DPP10: variants seen among roughly 807,000 people sequenced by gnomAD.
DPP10 encodes the protein inactive dipeptidyl peptidase 10.
In DPP10, 33 loss-of-function variants were observed where a neutral mutation model predicts 120.9. That is an observed-to-expected ratio of 0.27 (90% CI 0.21 to 0.37). The LOEUF (loss-of-function observed/expected upper bound fraction) is 0.37, where lower values mean the gene tolerates loss of function less well. Among genes scored for constraint, DPP10 ranks in the 10% least tolerant of loss-of-function variants. The probability of loss-of-function intolerance (pLI) is 1.00; values close to 1 mark genes in which losing one functional copy is unlikely to be tolerated. For missense variants in DPP10, 816 were observed against 942.8 expected (o/e 0.87, Z 1.76); for synonymous variants, 337 against 326.1 (o/e 1.03, Z -0.36).
At chr2:114,770,322 A>G (rs535367183) in intron 1 of DPP10, among the ~76,000 whole-genome samples, 197 of 152,262 alleles carry the variant, frequency 1.3e-3, no homozygotes, top group African/African-American at 4.5e-3. Context: ...GATTTATATG[A>G]TTGAAGAGAA....
chr2:114,832,461 A>G (rs1361411860), intron 1 of DPP10, among the ~76,000 whole-genome samples: 1 of 152,130 alleles, frequency 6.6e-6, no homozygotes, highest in East Asian at 1.9e-4. Flanking sequence ...CTTGAATCCA[A>G]GAGTTCGAGG....
chr2:115,285,967 C>T (rs1347227639), intron 1 of DPP10, among the ~76,000 whole-genome samples: 1 of 151,970 alleles, frequency 6.6e-6, no homozygotes, highest in African/African-American at 2.4e-5. Context: ...TTTATGCATG[C>T]TGTAGTTAGG....
chr2:114,542,048 CCTTTTTTT>C (rs1049124338), intron 1 of DPP10, among the ~76,000 whole-genome samples: 1 of 122,202 alleles, frequency 8.2e-6, no homozygotes, highest in Admixed American at 8.8e-5. Flanking sequence ...TTCTTTCTTT[CCTTTTTTT>C]TTTTTTTTTG....
chr2:115,648,678 T>C (rs923993231), intron 5 of DPP10, among the ~76,000 whole-genome samples: 4 of 151,546 alleles, frequency 2.6e-5, no homozygotes, highest in Non-Finnish European at 4.4e-5. Flanking sequence ...TTAATAAAAC[T>C]TAGCCTAGGG....
At chr2:114,914,395 C>A (rs140443493) in intron 1 of DPP10, among the ~76,000 whole-genome samples, 2 of 152,102 alleles carry the variant, frequency 1.3e-5, no homozygotes, top group African/African-American at 4.8e-5. Flanking sequence ...AAGAGTAATG[C>A]CTATATTCAG....
chr2:115,811,286 C>T (rs12478640), intron 19 of DPP10, among the ~76,000 whole-genome samples: 13,199 of 152,146 alleles, frequency 0.087, 626 homozygotes, highest in South Asian at 0.14. Flanking sequence ...GATACCACTT[C>T]GTGATCTAAC....
At chr2:115,173,091 T>G (rs1280778420) in intron 1 of DPP10, among the ~76,000 whole-genome samples, 1 of 151,960 alleles carries the variant, frequency 6.6e-6, no homozygotes, top group Non-Finnish European at 1.5e-5. Flanking sequence ...TCTGAATTTG[T>G]TTTTTTTCCC....
intron 1 of DPP10, among the ~76,000 whole-genome samples, chr2:114,640,006 C>T (rs1695592765): frequency 6.6e-6 from 1 of 151,686 alleles, no homozygotes; most frequent in Admixed American, 6.6e-5. Flanking sequence ...ATGGTAGAAA[C>T]AAGACTAAAT....
At chr2:115,190,758 C>A (rs2054821886) in intron 1 of DPP10, among the ~76,000 whole-genome samples, 1 of 152,122 alleles carries the variant, frequency 6.6e-6, no homozygotes, top group African/African-American at 2.4e-5. Context: ...AGAGAACCGC[C>A]CAAGTGGAAA....
intron 5 of DPP10, among the ~76,000 whole-genome samples, chr2:115,599,370 A>T (rs912464155): frequency 6.6e-6 from 1 of 152,122 alleles, no homozygotes; most frequent in Non-Finnish European, 1.5e-5. Flanking sequence ...TAGAATTTTT[A>T]AAATCTCTCT....
chr2:114,698,088 A>C (rs1700172374), intron 1 of DPP10, among the ~76,000 whole-genome samples: 1 of 152,128 alleles, frequency 6.6e-6, no homozygotes, highest in Non-Finnish European at 1.5e-5. Context: ...GTTTTAGTGT[A>C]CAGATAGGTA....
chr2:114,723,196 T>C (rs768330166), intron 1 of DPP10, among the ~76,000 whole-genome samples: 1 of 152,216 alleles, frequency 6.6e-6, no homozygotes, highest in Non-Finnish European at 1.5e-5. Context: ...GTATGAACAA[T>C]CAGTCTGTGC....
chr2:115,362,029 GTA>G (rs2064808571), intron 3 of DPP10, among the ~76,000 whole-genome samples: 1 of 150,238 alleles, frequency 6.7e-6, no homozygotes, highest in African/African-American at 2.4e-5. Flanking sequence ...GTTTTTGTGT[GTA>G]TGTTTTGTGT....
chr2:115,408,538 G>A (rs1019942594), intron 3 of DPP10, among the ~76,000 whole-genome samples: 2 of 152,066 alleles, frequency 1.3e-5, no homozygotes, highest in Non-Finnish European at 1.5e-5. Flanking sequence ...TCAGGCATAC[G>A]TGTAACACTC....
At chr2:114,472,708 A>G (rs1329894391) in intron 1 of DPP10, among the ~76,000 whole-genome samples, 1 of 152,194 alleles carries the variant, frequency 6.6e-6, no homozygotes, top group East Asian at 1.9e-4. Flanking sequence ...AGAAGATGCC[A>G]CAAAGTTTAG....
intron 3 of DPP10, among the ~76,000 whole-genome samples, chr2:115,395,990 A>G (rs1411127192): frequency 2.0e-5 from 3 of 152,150 alleles, no homozygotes; most frequent in Non-Finnish European, 4.4e-5. Flanking sequence ...CTGGTTTTCA[A>G]TGTTACTTTA....
intron 1 of DPP10, among the ~76,000 whole-genome samples, chr2:115,190,050 A>C (rs996414150): frequency 1.3e-5 from 2 of 152,178 alleles, no homozygotes; most frequent in Non-Finnish European, 2.9e-5. Flanking sequence ...GCTTTCTGCT[A>C]ATATCATGTC....
chr2:114,456,469 G>C (rs1037195237), intron 1 of DPP10, among the ~76,000 whole-genome samples: 7 of 152,300 alleles, frequency 4.6e-5, no homozygotes, highest in Non-Finnish European at 1.0e-4. Flanking sequence ...TAGCAACCAT[G>C]TCAGAAATAT....
At chr2:115,333,305 G>C (rs2062875724) in intron 2 of DPP10, among the ~76,000 whole-genome samples, 1 of 151,952 alleles carries the variant, frequency 6.6e-6, no homozygotes, top group Non-Finnish European at 1.5e-5. Context: ...TTCATTTTGA[G>C]CCTATGTGTG....
Sources: allele counts gnomAD v4.1 joint callset (sites outside exome capture counted in the v4.1 genomes callset), GRCh38; gene constraint gnomAD v4.1.1; transcripts MANE v1.5; gene names NCBI Gene and HGNC (gene_info 2026-07-23, HGNC 2026-07-21).